The following RPS6KC1 variants were observed in gnomAD, a reference collection of about 807,000 sequenced individuals.
RPS6KC1 encodes ribosomal protein S6 kinase C1.
RPS6KC1 carries 54 observed loss-of-function variants against 103.8 expected under a neutral mutation model. That is an observed-to-expected ratio of 0.52 (90% CI 0.42 to 0.65). The LOEUF is 0.65. RPS6KC1 is among the 30% of genes least tolerant of loss of function. RPS6KC1 has a pLI of 0.00. For missense variants in RPS6KC1, 1,151 were observed against 1,253.8 expected (o/e 0.92, Z 1.24); for synonymous variants, 439 against 438.7 (o/e 1.00, Z -0.01).
intron 4 of RPS6KC1, among the ~76,000 whole-genome samples, chr1:213,105,878 A>G (rs2082437951): frequency 6.6e-6 from 1 of 152,226 alleles, no homozygotes; most frequent in Admixed American, 6.5e-5. Flanking sequence ...TTAAACAAGA[A>G]TATTGCTTTA....
the RPS6KC1 span, among the ~76,000 whole-genome samples, chr1:213,814,420 A>G: frequency 6.6e-6 from 1 of 152,202 alleles, no homozygotes; most frequent in Non-Finnish European, 1.5e-5. Context: ...GGGGAAATGG[A>G]TATGGTGGGC....
chr1:213,407,458 A>T, the RPS6KC1 span, among the ~76,000 whole-genome samples: 1 of 152,234 alleles, frequency 6.6e-6, no homozygotes, highest in Admixed American at 6.5e-5. Flanking sequence ...CCTGACATCC[A>T]CAACCACAAT....
chr1:213,703,141 G>A, the RPS6KC1 span, among the ~76,000 whole-genome samples: 3 of 152,056 alleles, frequency 2.0e-5, no homozygotes, highest in African/African-American at 4.8e-5. Context: ...GCTGGCAAAT[G>A]CTATCTTATA....
the RPS6KC1 span, among the ~76,000 whole-genome samples, chr1:213,640,028 T>G: frequency 6.6e-6 from 1 of 151,988 alleles, no homozygotes; most frequent in Non-Finnish European, 1.5e-5. Context: ...GATCTGGAGT[T>G]TCTGTTCTGA....
chr1:213,312,612 A>G, the RPS6KC1 span, among the ~76,000 whole-genome samples: 2 of 152,142 alleles, frequency 1.3e-5, no homozygotes, highest in African/African-American at 4.8e-5. Context: ...TTTCTCTTGC[A>G]CTGTGGAAGG....
At chr1:213,646,505 T>A in the RPS6KC1 span, among the ~76,000 whole-genome samples, 6 of 152,274 alleles carry the variant, frequency 3.9e-5, no homozygotes, top group African/African-American at 1.2e-4. Context: ...TTCTGTGCAG[T>A]ACCATCAGCC....
the RPS6KC1 span, among the ~76,000 whole-genome samples, chr1:213,802,879 A>G: frequency 6.6e-6 from 1 of 152,162 alleles, no homozygotes; most frequent in Non-Finnish European, 1.5e-5. Context: ...AGAACCGGGA[A>G]TGTTTAGCCT....
the RPS6KC1 span, among the ~76,000 whole-genome samples, chr1:213,825,803 A>G: frequency 6.6e-6 from 1 of 152,232 alleles, no homozygotes; most frequent in Non-Finnish European, 1.5e-5. Flanking sequence ...AAAGGCCTAT[A>G]GTGGGATATT....
the RPS6KC1 span, among the ~76,000 whole-genome samples, chr1:213,649,989 G>A: frequency 6.6e-6 from 1 of 152,178 alleles, no homozygotes; most frequent in East Asian, 1.9e-4. Context: ...CAGCAACTGA[G>A]AGTAGGTATT....
At chr1:213,665,199 AAACAACAAC>A in the RPS6KC1 span, among the ~76,000 whole-genome samples, 6 of 150,946 alleles carry the variant, frequency 4.0e-5, no homozygotes, top group African/African-American at 9.7e-5. Flanking sequence ...AAACAAGCAA[AAACAACAAC>A]AACAACAACA....
intron 14 of RPS6KC1, among the ~76,000 whole-genome samples, chr1:213,264,735 TC>T (rs1327012225): frequency 2.0e-5 from 3 of 152,352 alleles, no homozygotes; most frequent in African/African-American, 7.2e-5. Flanking sequence ...ATTTTGACTT[TC>T]CTTTTCCACT....
chr1:213,205,545 TAG>T (rs200209517), intron 8 of RPS6KC1, among the ~76,000 whole-genome samples: 3,070 of 112,842 alleles, frequency 0.027, 380 homozygotes, highest in African/African-American at 0.091. Context: ...TTTATATATA[TAG>T]ATATATATAT....
At chr1:213,647,912 T>G in the RPS6KC1 span, among the ~76,000 whole-genome samples, 1 of 152,166 alleles carries the variant, frequency 6.6e-6, no homozygotes, top group East Asian at 1.9e-4. Flanking sequence ...CGTGGATGGG[T>G]GTACCTGTTG....
chr1:213,772,170 CAAGGATAGT>C, the RPS6KC1 span, among the ~76,000 whole-genome samples: 1 of 152,088 alleles, frequency 6.6e-6, no homozygotes, highest in Non-Finnish European at 1.5e-5. Context: ...TCTGACACTC[CAAGGATAGT>C]ATCGCTTATC....
At chr1:213,608,797 ATATTG>A in the RPS6KC1 span, among the ~76,000 whole-genome samples, 3 of 152,200 alleles carry the variant, frequency 2.0e-5, no homozygotes, top group Non-Finnish European at 2.9e-5. Context: ...TGTCTAATTA[ATATTG>A]TATTTGTTTC....
chr1:213,370,432 T>G, the RPS6KC1 span, among the ~76,000 whole-genome samples: 1 of 152,160 alleles, frequency 6.6e-6, no homozygotes, highest in Non-Finnish European at 1.5e-5. Flanking sequence ...ATAAGATTTG[T>G]TGGGCACTTA....
At chr1:213,115,920 T>G (rs188267384) in intron 4 of RPS6KC1, among the ~76,000 whole-genome samples, 7 of 151,946 alleles carry the variant, frequency 4.6e-5, no homozygotes, top group African/African-American at 9.7e-5. Context: ...CTGAGAGATA[T>G]TTTGTTATAA....
chr1:213,216,707 A>G (rs1463749102), intron 8 of RPS6KC1, among the ~76,000 whole-genome samples: 2 of 152,348 alleles, frequency 1.3e-5, no homozygotes, highest in South Asian at 2.1e-4. Flanking sequence ...AGAACTCAGG[A>G]TTAAGAAACT....
At chr1:213,052,667 A>C (rs2077047584) in intron 1 of RPS6KC1, among the ~76,000 whole-genome samples, 2 of 151,892 alleles carry the variant, frequency 1.3e-5, no homozygotes, top group Non-Finnish European at 2.9e-5. Context: ...CAGCCTCCCG[A>C]GTAGCTGGGA....
Sources: allele counts gnomAD v4.1 joint callset (sites outside exome capture counted in the v4.1 genomes callset), GRCh38; gene constraint gnomAD v4.1.1; transcripts MANE v1.5; gene names NCBI Gene and HGNC (gene_info 2026-07-23, HGNC 2026-07-21).